The following SORCS2 variants were observed in gnomAD, a reference collection of about 807,000 sequenced individuals.
SORCS2 encodes the protein sortilin related VPS10 domain containing receptor 2, also known as VPS10 domain-containing receptor SorCS2.
In SORCS2, 100 loss-of-function variants were observed where a neutral mutation model predicts 141.6. The ratio of observed to expected loss-of-function variants is 0.71; its 90% CI spans 0.60 to 0.83. The LOEUF (loss-of-function observed/expected upper bound fraction) is 0.83. Among genes scored for constraint, SORCS2 ranks in the 40% least tolerant of loss-of-function variants. The pLI is 0.00. For missense variants in SORCS2, 1,646 were observed against 1,560.2 expected, an observed-to-expected ratio of 1.05 and a Z score of -0.93; for synonymous variants, 789 against 676.9, an observed-to-expected ratio of 1.17 and a Z score of -2.57.
intron 1 of SORCS2, among the ~76,000 whole-genome samples, chr4:7,382,689 T>A (rs1164266049): frequency 6.6e-6 from 1 of 151,902 alleles, no homozygotes; most frequent in African/African-American, 2.4e-5. Flanking sequence ...GGCATCATGA[T>A]CCTTTTCAAT....
chr4:7,402,138 C>T (rs1402314013), intron 2 of SORCS2, among the ~76,000 whole-genome samples: 1 of 152,128 alleles, frequency 6.6e-6, no homozygotes, highest in Non-Finnish European at 1.5e-5. Flanking sequence ...ACACCAGAGC[C>T]GAGTCCAGCT....
At chr4:7,661,398 C>T in intron 5 of SORCS2, 102 bp from the exon 6 acceptor site, 1 of 1,297,848 alleles carries the variant, frequency 7.7e-7, no homozygotes, top group East Asian at 2.5e-5. Context: ...AGGGCGGCTT[C>T]AGAACCAGGG....
chr4:7,497,165 C>T (rs959868294), intron 2 of SORCS2, among the ~76,000 whole-genome samples: 2 of 152,224 alleles, frequency 1.3e-5, no homozygotes, highest in African/African-American at 2.4e-5. Context: ...ATCCGCATGG[C>T]GCTCTCTTCC....
At chr4:7,620,425 T>C (rs899163245) in intron 3 of SORCS2, among the ~76,000 whole-genome samples, 42 of 152,192 alleles carry the variant, frequency 2.8e-4, no homozygotes, top group African/African-American at 9.4e-4. Context: ...ACCCTGGGGA[T>C]ACAGCCCTGG....
chr4:7,222,675 G>T (rs1728781367), intron 1 of SORCS2, among the ~76,000 whole-genome samples: 1 of 152,204 alleles, frequency 6.6e-6, no homozygotes, highest in South Asian at 2.1e-4. Context: ...GCTGGTGCAG[G>T]GAGGGAGGCC....
At chr4:7,707,740 G>T (rs146017558) in intron 14 of SORCS2, among the ~76,000 whole-genome samples, 1 of 152,232 alleles carries the variant, frequency 6.6e-6, no homozygotes, top group Admixed American at 6.5e-5. Flanking sequence ...GGCGCTTGAT[G>T]CTCAGTGAAT....
rs16840104 is a variant in SORCS2, at chr4:7,350,135, A to G, written c.481-46153A>G. Among the ~76,000 whole-genome samples, 249 of 150,580 alleles carry G rather than the reference A, an allele frequency of 1.7e-3. 1 individual carries two copies. Among genetic ancestry groups the G allele is most frequent in the African/African-American group, 5.8e-3 (238 of 40,940 alleles). ...TCTGCCAGTGTTGTAAATGGACACGACTCTTGTTTTAAAAAGCACAACCCA... is the reference window on the plus strand; with the variant it reads ...TCTGCCAGTGTTGTAAATGGACACGGCTCTTGTTTTAAAAAGCACAACCCA... On this transcript the variant is annotated intron_variant, in intron 1 of 26. Coordinates refer to ENST00000507866, the MANE Select transcript of SORCS2 (RefSeq NM_020777.3).
intron 3 of SORCS2, among the ~76,000 whole-genome samples, chr4:7,622,310 C>G (rs904356322): frequency 7.2e-5 from 11 of 152,172 alleles, no homozygotes; most frequent in African/African-American, 2.7e-4. Context: ...ATGTGCATGG[C>G]CAGAATTCCT....
intron 1 of SORCS2, among the ~76,000 whole-genome samples, chr4:7,358,313 C>G (rs1157480473): frequency 6.6e-6 from 1 of 152,244 alleles, no homozygotes; most frequent in Non-Finnish European, 1.5e-5. Context: ...ACAGTAGCCT[C>G]CTAGGCTGCT....
intron 2 of SORCS2, among the ~76,000 whole-genome samples, chr4:7,471,572 C>A (rs1363435425): frequency 6.6e-6 from 1 of 152,242 alleles, no homozygotes; most frequent in African/African-American, 2.4e-5. Flanking sequence ...GGGCTCGCCG[C>A]CCCTACCCCG....
intron 1 of SORCS2, among the ~76,000 whole-genome samples, chr4:7,314,326 T>C (rs1376881495): frequency 1.1e-5 from 1 of 94,042 alleles, no homozygotes; most frequent in Non-Finnish European, 2.4e-5. Flanking sequence ...TCATGGCCTT[T>C]TTTTTATTTT....
chr4:7,721,574 T>C (rs1461103339), intron 18 of SORCS2, among the ~76,000 whole-genome samples: 1 of 152,220 alleles, frequency 6.6e-6, no homozygotes, highest in Non-Finnish European at 1.5e-5. Flanking sequence ...CACTCATTCA[T>C]ATAACACTCC....
Position 7,314,829 on chromosome 4 carries a change from T to TTTTTTTTTTTG in SORCS2, c.481-81459_481-81458insTTTTTTTTTTG, listed in dbSNP as rs1560185676. Among the ~76,000 whole-genome samples, 4 of 116,516 alleles carry TTTTTTTTTTTG rather than the reference T, an allele frequency of 3.4e-5. 1 individual carries two copies. The highest frequency in any genetic ancestry group is 1.4e-4 in the African/African-American group (4 of 28,318). 76.4% of individuals were successfully genotyped at this position (116,516 alleles called of 152,430 possible). On this transcript the variant is annotated intron_variant, in intron 1 of 26. Coordinates refer to ENST00000507866, the MANE Select transcript of SORCS2 (RefSeq NM_020777.3). ...TTTTTTTTTTTTTTTTTTTTTTTTTTATTGTTGTTGTTGTTTTTGTTGTTG... is the reference window on the plus strand; with the variant it reads ...TTTTTTTTTTTTTTTTTTTTTTTTTTTTTTTTTTTTGATTGTTGTTGTTGTTTTTGTTGTTG...
At chr4:7,682,303 G>T (rs1723573638) in intron 9 of SORCS2, among the ~76,000 whole-genome samples, 1 of 152,100 alleles carries the variant, frequency 6.6e-6, no homozygotes, top group African/African-American at 2.4e-5. Flanking sequence ...GCAGAGGCAA[G>T]CCCAGAGGCA....
rs576105227 is a variant in SORCS2, at chr4:7,263,448, C to G, written c.480+70322C>G. ...CTGGTGGCACAGGCTGGGCAGGACG[C>G]TGGCCGGGTGTTCATCATCGTCTGC... is the stretch of plus-strand genomic sequence containing the variant. On this transcript the variant is annotated intron_variant, in intron 1 of 26. Transcript: ENST00000507866. Among the ~76,000 whole-genome samples the G allele has an allele frequency of 3.9e-5, 6 of 152,346 alleles. No homozygotes were observed. The East Asian group carries it at 7.7e-4, about 20-fold the overall frequency.
At chr4:7,207,394 G>A (rs1326340193) in intron 1 of SORCS2, among the ~76,000 whole-genome samples, 1 of 152,182 alleles carries the variant, frequency 6.6e-6, no homozygotes, top group Non-Finnish European at 1.5e-5. Flanking sequence ...TGCTCTCTGC[G>A]TTCACCCAGC....
chr4:7,569,873 CT>C (rs1715270597), intron 3 of SORCS2, among the ~76,000 whole-genome samples: 1 of 152,226 alleles, frequency 6.6e-6, no homozygotes, highest in Non-Finnish European at 1.5e-5. Context: ...TTCGGAGCCA[CT>C]GGGTGGATGT....
chr4:7,372,085 G>A (rs1189620265), intron 1 of SORCS2, among the ~76,000 whole-genome samples: 1 of 152,190 alleles, frequency 6.6e-6, no homozygotes, highest in Non-Finnish European at 1.5e-5. Flanking sequence ...CTAGAAACAG[G>A]CAGGACATGG....
chr4:7,511,551 C>T (rs1732654546), intron 2 of SORCS2, among the ~76,000 whole-genome samples: 1 of 151,710 alleles, frequency 6.6e-6, no homozygotes, highest in African/African-American at 2.4e-5. Flanking sequence ...ACAGAAGGCC[C>T]AGGGGTTGAA....
Sources: gnomAD v4.1 joint callset for allele counts (sites outside exome capture counted in the v4.1 genomes callset) on GRCh38, gnomAD v4.1.1 for gene constraint, MANE v1.5 for transcripts, NCBI Gene and HGNC (gene_info 2026-07-23, HGNC 2026-07-21) for gene names.